LRRC20: variants seen among roughly 807,000 people sequenced by gnomAD.
LRRC20 encodes the protein leucine-rich repeat-containing protein 20.
LRRC20 carries 11 observed loss-of-function variants against 14.4 expected under a neutral mutation model. That is an observed-to-expected ratio of 0.77 (90% CI 0.48 to 1.27). The LOEUF (loss-of-function observed/expected upper bound fraction) is 1.27, where lower values mean the gene tolerates loss of function less well. Ranked by LOEUF, LRRC20 falls within the 50% of genes most tolerant of loss-of-function variation. The probability of loss-of-function intolerance (pLI) is 0.00; values close to 1 mark genes in which losing one functional copy is unlikely to be tolerated. For missense variants in LRRC20, 219 were observed against 251.2 expected, an observed-to-expected ratio of 0.87 and a Z score of 0.87; for synonymous variants, 121 against 107.3, an observed-to-expected ratio of 1.13 and a Z score of -0.79.
At chr10:70,379,979 G>C (rs1251269640) in intron 1 of LRRC20, among the ~76,000 whole-genome samples, 2 of 152,186 alleles carry the variant, frequency 1.3e-5, no homozygotes, top group African/African-American at 2.4e-5. Context: ...TAATGCGGCC[G>C]CTGGTCTGAC....
chr10:70,379,502 T>A (rs1844628034), intron 1 of LRRC20, among the ~76,000 whole-genome samples: 1 of 152,180 alleles, frequency 6.6e-6, no homozygotes, highest in South Asian at 2.1e-4. Flanking sequence ...CAATTCATCA[T>A]CAATAATCAT....
At chr10:70,378,519 G>A (rs368036035) in intron 1 of LRRC20, among the ~76,000 whole-genome samples, 2 of 151,604 alleles carry the variant, frequency 1.3e-5, no homozygotes, top group East Asian at 1.9e-4. Context: ...GGGCATGGTG[G>A]CTCACACCTG....
chr10:70,306,128 C>CT (rs397691950), intron 4 of LRRC20, among the ~76,000 whole-genome samples: 1 of 149,484 alleles, frequency 6.7e-6, no homozygotes, highest in Non-Finnish European at 1.5e-5. Context: ...CTCTCTCTCT[C>CT]CCCCACCCCA....
intron 2 of LRRC20, among the ~76,000 whole-genome samples, chr10:70,358,753 C>T (rs1278789299): frequency 6.6e-6 from 1 of 152,188 alleles, no homozygotes; most frequent in Admixed American, 6.5e-5. Flanking sequence ...CCACCTCAAA[C>T]CTCAGGACAC....
At chr10:70,330,978 G>A (rs1201363620) in intron 3 of LRRC20, among the ~76,000 whole-genome samples, 1 of 152,220 alleles carries the variant, frequency 6.6e-6, no homozygotes, top group African/African-American at 2.4e-5. Flanking sequence ...CTGAACTGAG[G>A]TCTCGCCCTA....
chr10:70,339,264 C>T (rs1039794310), intron 3 of LRRC20, among the ~76,000 whole-genome samples: 7 of 152,192 alleles, frequency 4.6e-5, no homozygotes, highest in African/African-American at 1.7e-4. Flanking sequence ...GTCTCAAGGG[C>T]ACTGCTATGA....
chr10:70,372,563 T>C (rs1844326525), intron 2 of LRRC20, among the ~76,000 whole-genome samples: 1 of 149,596 alleles, frequency 6.7e-6, no homozygotes, highest in Non-Finnish European at 1.5e-5. Context: ...TGCCTCAGCC[T>C]CCCGAGTAGC....
chr10:70,344,231 G>T (rs1257646815), intron 2 of LRRC20, among the ~76,000 whole-genome samples: 1 of 151,966 alleles, frequency 6.6e-6, no homozygotes, highest in Non-Finnish European at 1.5e-5. Context: ...AAAAAGAAAA[G>T]AAAAGAAAAG....
intron 2 of LRRC20, among the ~76,000 whole-genome samples, chr10:70,347,286 A>C (rs1843109004): frequency 6.6e-6 from 1 of 152,216 alleles, no homozygotes; most frequent in Non-Finnish European, 1.5e-5. Flanking sequence ...GGGCTGGGGC[A>C]GAGCTGTGAA....
chr10:70,318,258 C>A (rs924045706), intron 4 of LRRC20, among the ~76,000 whole-genome samples: 2 of 152,204 alleles, frequency 1.3e-5, no homozygotes, highest in Non-Finnish European at 2.9e-5. Flanking sequence ...CTGCTTCCCC[C>A]TCCCAAGAGT....
intron 2 of LRRC20, among the ~76,000 whole-genome samples, chr10:70,345,029 T>C (rs1431583631): frequency 6.6e-6 from 1 of 152,234 alleles, no homozygotes; most frequent in South Asian, 2.1e-4. Context: ...TATTTTTAAG[T>C]TAACTAAATG....
intron 4 of LRRC20, among the ~76,000 whole-genome samples, chr10:70,306,691 A>C (rs1841439615): frequency 6.6e-6 from 1 of 152,192 alleles, no homozygotes; most frequent in Non-Finnish European, 1.5e-5. Flanking sequence ...GCATCTAACA[A>C]GAAGTCTGTG....
At chr10:70,357,536 A>C (rs1195195577) in intron 2 of LRRC20, among the ~76,000 whole-genome samples, 3 of 152,142 alleles carry the variant, frequency 2.0e-5, no homozygotes, top group African/African-American at 7.2e-5. Context: ...AATCTGACAA[A>C]GATGTGCTTC....
At chr10:70,305,721 T>G (rs1228937097) in intron 4 of LRRC20, among the ~76,000 whole-genome samples, 1 of 150,836 alleles carries the variant, frequency 6.6e-6, no homozygotes, top group Non-Finnish European at 1.5e-5. Context: ...AAATACCAGA[T>G]GACCATTAGC....
intron 2 of LRRC20, among the ~76,000 whole-genome samples, chr10:70,351,984 G>A (rs2137063458): frequency 6.6e-6 from 1 of 152,286 alleles, no homozygotes; most frequent in Non-Finnish European, 1.5e-5. Flanking sequence ...CAACTGTTGA[G>A]CAAGTTCCAG....
At chr10:70,373,448 T>G (rs1474748640) in intron 2 of LRRC20, among the ~76,000 whole-genome samples, 1 of 152,086 alleles carries the variant, frequency 6.6e-6, no homozygotes, top group Non-Finnish European at 1.5e-5. Context: ...CCCAAGCAAC[T>G]AGTATACAGC....
At chr10:70,356,411 G>T (rs1843522027) in intron 2 of LRRC20, among the ~76,000 whole-genome samples, 1 of 152,190 alleles carries the variant, frequency 6.6e-6, no homozygotes, top group Admixed American at 6.5e-5. Flanking sequence ...AGCTACTTGG[G>T]AGGCTGTGGT....
chr10:70,355,049 A>G (rs1400524624), intron 2 of LRRC20, among the ~76,000 whole-genome samples: 2 of 152,182 alleles, frequency 1.3e-5, no homozygotes, highest in Non-Finnish European at 2.9e-5. Context: ...TACTAAACAA[A>G]GGCTCTTCAG....
chr10:70,301,749 A>G (rs1243259754), intron 4 of LRRC20, among the ~76,000 whole-genome samples: 2 of 152,248 alleles, frequency 1.3e-5, no homozygotes, highest in African/African-American at 4.8e-5. Flanking sequence ...CAAAAAGTTA[A>G]ACGTAGGATT....
Sources: allele counts gnomAD v4.1 joint callset (sites outside exome capture counted in the v4.1 genomes callset), GRCh38; gene constraint gnomAD v4.1.1; transcripts MANE v1.5; gene names NCBI Gene and HGNC (gene_info 2026-07-23, HGNC 2026-07-21).